The following LRP1B variants were observed in gnomAD, a reference collection of about 807,000 sequenced individuals.
LRP1B encodes low-density lipoprotein receptor-related protein 1B.
In LRP1B, 217 loss-of-function variants were observed where a neutral mutation model predicts 556.6. The ratio of observed to expected loss-of-function variants is 0.39; its 90% CI spans 0.35 to 0.44. The LOEUF (loss-of-function observed/expected upper bound fraction) is 0.44, where lower values mean the gene tolerates loss of function less well. LRP1B is among the 20% of genes least tolerant of loss of function. The pLI is 1.00. For synonymous variants in LRP1B, 2,047 were observed against 1,865.8 expected (o/e 1.10, Z -2.50); for missense variants, 5,053 against 5,620.8 (o/e 0.90, Z 3.23).
intron 2 of LRP1B, among the ~76,000 whole-genome samples, chr2:141,656,328 C>A (rs355557): frequency 0.76 from 116,157 of 151,998 alleles, 45,012 homozygotes; most frequent in African/African-American, 0.88. Flanking sequence ...TTAATTTTCT[C>A]TCATATGAAG....
intron 3 of LRP1B, among the ~76,000 whole-genome samples, chr2:141,390,776 G>A (rs1052423570): frequency 1.3e-5 from 2 of 152,228 alleles, no homozygotes; most frequent in Non-Finnish European, 2.9e-5. Flanking sequence ...AGGGGCTGGA[G>A]TGAGGGGAGA....
intron 6 of LRP1B, among the ~76,000 whole-genome samples, chr2:141,222,616 T>G (rs922855323): frequency 1.1e-4 from 16 of 152,038 alleles, no homozygotes; most frequent in South Asian, 2.1e-4. Flanking sequence ...TGAACATCAA[T>G]GCAAAAAAAT....
intron 7 of LRP1B, among the ~76,000 whole-genome samples, chr2:141,154,354 CCTTATT>C (rs1315845741): frequency 6.6e-6 from 1 of 151,206 alleles, no homozygotes; most frequent in Non-Finnish European, 1.5e-5. Flanking sequence ...TGATTAAATC[CCTTATT>C]CTTATTTTAT....
chr2:141,173,181 C>T (rs1002214826), intron 7 of LRP1B, among the ~76,000 whole-genome samples: 2 of 151,970 alleles, frequency 1.3e-5, no homozygotes, highest in African/African-American at 4.8e-5. Context: ...TCATCACTGC[C>T]ATTACCATTC....
intron 63 of LRP1B, among the ~76,000 whole-genome samples, chr2:140,445,661 AGGCACTG>A (rs200011026): frequency 6.6e-6 from 1 of 152,144 alleles, no homozygotes; most frequent in East Asian, 1.9e-4. Flanking sequence ...ACTATGTATC[AGGCACTG>A]GGCTAGACCC....
At chr2:140,303,209 C>A (rs1257699739) in intron 83 of LRP1B, among the ~76,000 whole-genome samples, 1 of 151,300 alleles carries the variant, frequency 6.6e-6, no homozygotes, top group African/African-American at 2.4e-5. Context: ...ATGGGTCATA[C>A]CACAAAGTCA....
rs72988312 is a variant in LRP1B at position 141,971,403 on chromosome 2, G to A, written c.82+159245C>T. 2.2e-3 allele frequency among the ~76,000 whole-genome samples: 331 copies of A among 151,392 alleles called. 2 individuals carry two copies. Among genetic ancestry groups the A allele is most frequent in the African/African-American group, 7.5e-3 (309 of 41,436 alleles). On this transcript the variant is annotated intron_variant, in intron 1 of 90. Transcript: ENST00000389484. ...ATATCCTAAGGACATCCTTGTCTTCGTACACCCTTTGTTTTAGCCCATCTG... is the reference window on the plus strand; with the variant it reads ...ATATCCTAAGGACATCCTTGTCTTCATACACCCTTTGTTTTAGCCCATCTG...
chr2:141,658,391 C>T (rs951961440), intron 2 of LRP1B, among the ~76,000 whole-genome samples: 5 of 152,164 alleles, frequency 3.3e-5, no homozygotes, highest in Non-Finnish European at 5.9e-5. Context: ...AATTCCAGTG[C>T]TTACAAGAGC....
intron 10 of LRP1B, among the ~76,000 whole-genome samples, chr2:141,051,313 A>G (rs1212760051): frequency 6.6e-6 from 1 of 152,128 alleles, no homozygotes; most frequent in Non-Finnish European, 1.5e-5. Context: ...TTCTACTATA[A>G]AGATACATGC....
intron 1 of LRP1B, among the ~76,000 whole-genome samples, chr2:142,078,002 C>T (rs1443079155): frequency 6.6e-6 from 1 of 152,112 alleles, no homozygotes; most frequent in African/African-American, 2.4e-5. Flanking sequence ...TTCACTGTGG[C>T]CTGAAACACC....
chr2:140,275,467 A>T (rs1164580878), intron 84 of LRP1B, among the ~76,000 whole-genome samples: 2 of 151,994 alleles, frequency 1.3e-5, no homozygotes, highest in African/African-American at 4.8e-5. Flanking sequence ...GGTCTCAAGT[A>T]GTCAAAGTGG....
chr2:140,439,291 G>C (rs1686322970), intron 66 of LRP1B, among the ~76,000 whole-genome samples: 1 of 152,172 alleles, frequency 6.6e-6, no homozygotes, highest in African/African-American at 2.4e-5. Flanking sequence ...AATAAGCAGT[G>C]CAACAGCCCT....
chr2:141,181,808 C>T (rs1378276178), intron 7 of LRP1B, among the ~76,000 whole-genome samples: 1 of 151,832 alleles, frequency 6.6e-6, no homozygotes, highest in African/African-American at 2.4e-5. Context: ...GCATGAACTG[C>T]CACTTGAAGA....
At chr2:140,957,993 A>G (rs963286637) in intron 18 of LRP1B, among the ~76,000 whole-genome samples, 2 of 151,602 alleles carry the variant, frequency 1.3e-5, no homozygotes, top group African/African-American at 4.8e-5. Context: ...TAATTCAGAA[A>G]TCTTAAGTTG....
At chr2:140,768,352 GT>G (rs1269342747) in intron 35 of LRP1B, among the ~76,000 whole-genome samples, 4 of 151,736 alleles carry the variant, frequency 2.6e-5, no homozygotes, top group Non-Finnish European at 5.9e-5. Context: ...ATAGCTATTT[GT>G]TTTTTAACAT....
At chr2:141,140,291 C>G (rs886783250) in intron 7 of LRP1B, among the ~76,000 whole-genome samples, 1 of 152,030 alleles carries the variant, frequency 6.6e-6, no homozygotes, top group African/African-American at 2.4e-5. Context: ...TCACGTCTTT[C>G]AACCGTGTCG....
chr2:141,116,234 A>G (rs1381738165), intron 7 of LRP1B, among the ~76,000 whole-genome samples: 1 of 152,204 alleles, frequency 6.6e-6, no homozygotes, highest in Non-Finnish European at 1.5e-5. Flanking sequence ...TGTAACAATT[A>G]TGAGAGGAAA....
chr2:141,134,763 A>G (rs1476333907), intron 7 of LRP1B, among the ~76,000 whole-genome samples: 1 of 151,296 alleles, frequency 6.6e-6, no homozygotes, highest in African/African-American at 2.4e-5. Flanking sequence ...AGAAATAATT[A>G]TTGTAAATAT....
chr2:141,641,190 C>T (rs2381159), intron 2 of LRP1B, among the ~76,000 whole-genome samples: 90,651 of 151,692 alleles, frequency 0.6, 27,280 homozygotes, highest in African/African-American at 0.66. Context: ...GGTAGTATAG[C>T]TGGGTAGCTC....
Sources: gnomAD v4.1 joint callset for allele counts (sites outside exome capture counted in the v4.1 genomes callset) on GRCh38, gnomAD v4.1.1 for gene constraint, MANE v1.5 for transcripts, NCBI Gene and HGNC (gene_info 2026-07-23, HGNC 2026-07-21) for gene names.